CSMD1: variants seen among roughly 807,000 people sequenced by gnomAD.
CSMD1 encodes the protein CUB and Sushi multiple domains 1, also known as CUB and sushi domain-containing protein 1.
In CSMD1, 213 loss-of-function variants were observed where a neutral mutation model predicts 417.5. The ratio of observed to expected loss-of-function variants is 0.51; its 90% CI spans 0.46 to 0.57. The LOEUF (loss-of-function observed/expected upper bound fraction) is 0.57, where lower values mean the gene tolerates loss of function less well. CSMD1 is among the 20% of genes least tolerant of loss of function. CSMD1 has a pLI of 0.00. For missense variants in CSMD1, 6,923 were observed against 4,529.7 expected (o/e 1.53, Z -15.17); for synonymous variants, 2,862 against 1,736.8 (o/e 1.65, Z -16.11).
intron 5 of CSMD1, among the ~76,000 whole-genome samples, chr8:3,763,889 G>C (rs528715540): frequency 4.9e-4 from 75 of 152,246 alleles, no homozygotes; most frequent in African/African-American, 1.7e-3. Flanking sequence ...CCCCTGACTG[G>C]AGATGCCTTA....
intron 1 of CSMD1, among the ~76,000 whole-genome samples, chr8:4,794,469 C>T (rs558279147): frequency 6.6e-6 from 1 of 152,064 alleles, no homozygotes; most frequent in Non-Finnish European, 1.5e-5. Flanking sequence ...CTCTTAAAAT[C>T]CAGTACAAAA....
chr8:3,927,081 T>G (rs968609316), intron 5 of CSMD1, among the ~76,000 whole-genome samples: 18 of 152,006 alleles, frequency 1.2e-4, no homozygotes, highest in African/African-American at 4.3e-4. Flanking sequence ...GTATTTATTG[T>G]AATTATCTTT....
intron 3 of CSMD1, among the ~76,000 whole-genome samples, chr8:4,126,528 A>T (rs565836410): frequency 6.6e-6 from 1 of 152,308 alleles, no homozygotes; most frequent in Non-Finnish European, 1.5e-5. Context: ...ACTGATGGTC[A>T]GTGCTGCAGG....
At chr8:4,111,559 T>G (rs1366487143) in intron 3 of CSMD1, among the ~76,000 whole-genome samples, 1 of 152,122 alleles carries the variant, frequency 6.6e-6, no homozygotes, top group Non-Finnish European at 1.5e-5. Flanking sequence ...GAAAATGCAG[T>G]TCACATACAC....
At chr8:3,462,411 G>A (rs966574861) in intron 12 of CSMD1, among the ~76,000 whole-genome samples, 6 of 152,142 alleles carry the variant, frequency 3.9e-5, no homozygotes, top group Non-Finnish European at 7.4e-5. Context: ...AGCAGGCAAC[G>A]GAGCATTACC....
At chr8:4,613,788 C>A (rs1333691173) in intron 2 of CSMD1, among the ~76,000 whole-genome samples, 1 of 149,624 alleles carries the variant, frequency 6.7e-6, no homozygotes, top group Non-Finnish European at 1.5e-5. Flanking sequence ...CAAGACCACC[C>A]AGGGACTGGG....
At position 3,811,166 on chromosome 8, in the gene CSMD1, T is replaced by A. The variant is rs2623737; in HGVS notation, c.819-57124A>T. 2.2e-3 allele frequency among the ~76,000 whole-genome samples: 342 copies of A among 152,248 alleles called. 2 individuals are homozygous for A. Among genetic ancestry groups the A allele is most frequent in the African/African-American group, 8.0e-3 (334 of 41,560 alleles). On this transcript the variant is annotated intron_variant, in intron 5 of 69. Coordinates refer to ENST00000635120, the MANE Select transcript of CSMD1 (RefSeq NM_033225.6). ...TGATATTAAATATCCAACAGGACTG[T>A]GAGATCTGAATTCTTTTTCTATTCG...
intron 3 of CSMD1, among the ~76,000 whole-genome samples, chr8:4,332,699 C>T (rs559248168): frequency 5.3e-4 from 81 of 151,744 alleles, no homozygotes; most frequent in Admixed American, 1.6e-3. Context: ...TATTAAATTA[C>T]ATGAAAAAGT....
chr8:3,267,731 G>A (rs1801536768), intron 26 of CSMD1, among the ~76,000 whole-genome samples: 1 of 152,204 alleles, frequency 6.6e-6, no homozygotes, highest in African/African-American at 2.4e-5. Flanking sequence ...GGGTTACCCG[G>A]TGGGTGGGGC....
At chr8:4,202,221 T>C (rs1799697029) in intron 3 of CSMD1, among the ~76,000 whole-genome samples, 1 of 152,200 alleles carries the variant, frequency 6.6e-6, no homozygotes, top group South Asian at 2.1e-4. Context: ...GATGTGACTA[T>C]TTGATGAATT....
chr8:4,103,447 C>G (rs1469344843), intron 3 of CSMD1, among the ~76,000 whole-genome samples: 2 of 150,816 alleles, frequency 1.3e-5, no homozygotes, highest in African/African-American at 2.4e-5. Context: ...AAAAGGGTAC[C>G]ATAACATCCA....
At chr8:4,623,246 T>C in intron 2 of CSMD1, among the ~76,000 whole-genome samples, 1 of 152,136 alleles carries the variant, frequency 6.6e-6, no homozygotes, top group East Asian at 1.9e-4. Flanking sequence ...AATACTAATA[T>C]TATTGGTCAT....
intron 46 of CSMD1, among the ~76,000 whole-genome samples, chr8:3,099,115 C>A (rs1165560633): frequency 1.3e-5 from 2 of 152,014 alleles, no homozygotes; most frequent in Non-Finnish European, 2.9e-5. Context: ...AGCCTCTTTA[C>A]ATTTCTAAGC....
intron 5 of CSMD1, among the ~76,000 whole-genome samples, chr8:3,817,975 A>G (rs1801486478): frequency 6.6e-6 from 1 of 152,154 alleles, no homozygotes; most frequent in Admixed American, 6.5e-5. Context: ...TGGTATACTT[A>G]CTTGTATTTT....
At chr8:3,899,616 T>C (rs746917894) in intron 5 of CSMD1, among the ~76,000 whole-genome samples, 2 of 152,170 alleles carry the variant, frequency 1.3e-5, no homozygotes, top group African/African-American at 2.4e-5. Flanking sequence ...AACATAAGTA[T>C]GTAGTGAGAG....
chr8:4,003,411 A>AAAC (rs1554513230), intron 4 of CSMD1, among the ~76,000 whole-genome samples: 9 of 129,804 alleles, frequency 6.9e-5, no homozygotes, highest in Admixed American at 2.4e-4. Flanking sequence ...AACAAACAAA[A>AAAC]AAACAAACAA....
intron 5 of CSMD1, among the ~76,000 whole-genome samples, chr8:3,764,983 G>A (rs1446050257): frequency 1.3e-5 from 2 of 151,998 alleles, no homozygotes; most frequent in Non-Finnish European, 2.9e-5. Context: ...GACCTCAGGT[G>A]ATCTGCCCAC....
chr8:4,079,502 T>C (rs147669136), intron 3 of CSMD1, among the ~76,000 whole-genome samples: 12 of 152,358 alleles, frequency 7.9e-5, no homozygotes, highest in African/African-American at 2.4e-4. Flanking sequence ...ATTGTGCCTA[T>C]TGAAACAATG....
chr8:4,636,155 G>A (rs551228857), intron 2 of CSMD1, among the ~76,000 whole-genome samples: 1 of 152,024 alleles, frequency 6.6e-6, no homozygotes, highest in South Asian at 2.1e-4. Context: ...TGATTCTTGT[G>A]TGTATTACTG....
Sources: gnomAD v4.1 joint callset for allele counts (sites outside exome capture counted in the v4.1 genomes callset) on GRCh38, gnomAD v4.1.1 for gene constraint, MANE v1.5 for transcripts, NCBI Gene and HGNC (gene_info 2026-07-23, HGNC 2026-07-21) for gene names.